Variants in ADAMTS19 observed in about 807,000 individuals in gnomAD.
ADAMTS19 encodes A disintegrin and metalloproteinase with thrombospondin motifs 19.
ADAMTS19 carries 93 observed loss-of-function variants against 153.3 expected under a neutral mutation model. That is an observed-to-expected ratio of 0.61 (90% confidence interval 0.51 to 0.72). The LOEUF is 0.72. ADAMTS19 is among the 30% of genes least tolerant of loss of function. ADAMTS19 has a pLI of 0.00. For missense variants in ADAMTS19, 1,482 were observed against 1,552.1 expected (o/e 0.95, Z 0.76); for synonymous variants, 600 against 556.6 (o/e 1.08, Z -1.10).
intron 3 of ADAMTS19, among the ~76,000 whole-genome samples, chr5:129,521,528 A>G (rs907596920): frequency 2.0e-5 from 3 of 152,146 alleles, no homozygotes; most frequent in African/African-American, 7.2e-5. Context: ...CACAGTCCCA[A>G]AGCTAGTAAG....
intron 2 of ADAMTS19, among the ~76,000 whole-genome samples, chr5:129,496,715 T>C (rs1451041002): frequency 6.6e-6 from 1 of 152,070 alleles, no homozygotes; most frequent in Admixed American, 6.6e-5. Flanking sequence ...ATGAGATAAG[T>C]GCTGCAAAGG....
In ADAMTS19 at chr5:129,694,856, G is replaced by GT. The variant is rs1755487750; in HGVS notation, c.2954+2dup. 3.2e-6 allele frequency: 5 copies of GT among 1,580,118 alleles called. No homozygotes were observed. The highest frequency in any genetic ancestry group is 4.3e-6 in the Non-Finnish European group (5 of 1,162,140). On this transcript the variant is annotated splice_donor_variant, in intron 19 of 22. Transcript: ENST00000274487. LOFTEE classifies it high-confidence loss of function. ...GCAATGAGCAACCATGTCAAACAAG[G>GT]TAACTCTATTCCAAGGGCCCTTAAA... is the stretch of plus-strand genomic sequence containing the variant.
At chr5:129,729,859 T>C (rs1051772047) in intron 21 of ADAMTS19, among the ~76,000 whole-genome samples, 1 of 152,102 alleles carries the variant, frequency 6.6e-6, no homozygotes, top group African/African-American at 2.4e-5. Context: ...TTATGTAAGA[T>C]TGACTAAAAG....
intron 3 of ADAMTS19, among the ~76,000 whole-genome samples, chr5:129,520,591 T>C (rs1443413697): frequency 6.6e-6 from 1 of 152,038 alleles, no homozygotes; most frequent in Non-Finnish European, 1.5e-5. Flanking sequence ...TTATTATTAT[T>C]TGGACAATAA....
chr5:129,640,131 G>A (rs554559701), intron 10 of ADAMTS19, among the ~76,000 whole-genome samples: 6 of 151,818 alleles, frequency 4.0e-5, no homozygotes, highest in African/African-American at 1.4e-4. Flanking sequence ...TTTTGAAGCT[G>A]GAAAAAAAGT....
At chr5:129,480,385 A>G (rs956626921) in intron 2 of ADAMTS19, among the ~76,000 whole-genome samples, 1 of 152,218 alleles carries the variant, frequency 6.6e-6, no homozygotes, top group Non-Finnish European at 1.5e-5. Flanking sequence ...CCTTAAAAGA[A>G]AAATACATTA....
chr5:129,609,257 G>A (rs1166802396), intron 8 of ADAMTS19, among the ~76,000 whole-genome samples: 2 of 152,166 alleles, frequency 1.3e-5, no homozygotes, highest in Non-Finnish European at 2.9e-5. Context: ...CTTAATGAAT[G>A]AGCTTTGGAT....
chr5:129,631,204 A>C (rs1490046413), intron 10 of ADAMTS19, among the ~76,000 whole-genome samples: 2 of 130,844 alleles, frequency 1.5e-5, no homozygotes. Flanking sequence ...TTCACCTCTT[A>C]TATGATCCAA....
intron 2 of ADAMTS19, among the ~76,000 whole-genome samples, chr5:129,479,729 T>C (rs958542371): frequency 1.3e-5 from 2 of 152,084 alleles, no homozygotes; most frequent in African/African-American, 4.8e-5. Flanking sequence ...CACTTAAACA[T>C]AAATTTAACA....
chr5:129,642,410 A>G (rs1460060919), intron 11 of ADAMTS19, among the ~76,000 whole-genome samples: 1 of 152,106 alleles, frequency 6.6e-6, no homozygotes, highest in Admixed American at 6.6e-5. Flanking sequence ...TCCAGTTGAC[A>G]TTTGGAGATT....
intron 6 of ADAMTS19, among the ~76,000 whole-genome samples, chr5:129,549,787 C>A (rs573359755): frequency 8.0e-5 from 12 of 149,386 alleles, no homozygotes; most frequent in Non-Finnish European, 1.8e-4. Context: ...AACACACACA[C>A]ACATACATAT....
At chr5:129,537,200 G>C (rs13157860) in intron 6 of ADAMTS19, among the ~76,000 whole-genome samples, 14 of 152,054 alleles carry the variant, frequency 9.2e-5, no homozygotes, top group South Asian at 4.1e-4. Flanking sequence ...GGCCATCAGA[G>C]AAATGCAAAT....
chr5:129,565,746 G>A (rs755615123), intron 7 of ADAMTS19, among the ~76,000 whole-genome samples: 34 of 152,036 alleles, frequency 2.2e-4, no homozygotes, highest in Non-Finnish European at 4.0e-4. Context: ...GAGAATAAAT[G>A]TATTGATACA....
chr5:129,599,391 AATT>A (rs1379585763), intron 8 of ADAMTS19, among the ~76,000 whole-genome samples: 1 of 152,168 alleles, frequency 6.6e-6, no homozygotes, highest in African/African-American at 2.4e-5. Flanking sequence ...ATTTATGAAT[AATT>A]ATGATTTTTG....
chr5:129,504,163 C>G (rs1559060), intron 2 of ADAMTS19, among the ~76,000 whole-genome samples: 1 of 151,816 alleles, frequency 6.6e-6, no homozygotes, highest in African/African-American at 2.4e-5. Flanking sequence ...ACATCTTCCA[C>G]CTGTTGCCTA....
chr5:129,732,736 A>T (rs980596747), intron 21 of ADAMTS19, among the ~76,000 whole-genome samples: 43 of 151,934 alleles, frequency 2.8e-4, no homozygotes, highest in African/African-American at 1.0e-3. Flanking sequence ...TGACCATACT[A>T]CCCAAAGCAA....
intron 6 of ADAMTS19, among the ~76,000 whole-genome samples, chr5:129,548,830 A>G (rs975542524): frequency 6.6e-5 from 10 of 151,982 alleles, no homozygotes; most frequent in African/African-American, 2.2e-4. Flanking sequence ...TATACACCAT[A>G]GAATACTATG....
chr5:129,592,003 A>G (rs1234551447), intron 7 of ADAMTS19, among the ~76,000 whole-genome samples: 2 of 151,890 alleles, frequency 1.3e-5, no homozygotes, highest in Non-Finnish European at 2.9e-5. Context: ...GATTCAATTG[A>G]CTTCTTGTAC....
rs1466355937 is a variant in ADAMTS19 at position 129,513,026 on chromosome 5, T to G, written c.913+3784T>G. 2.0e-5 allele frequency among the ~76,000 whole-genome samples: 3 copies of G among 151,930 alleles called. No individual in the cohort carries two copies. The Admixed American group carries it at 2.0e-4, about 10-fold the overall frequency. On this transcript the variant is annotated intron_variant, in intron 3 of 22. Coordinates refer to ENST00000274487, the MANE Select transcript of ADAMTS19 (RefSeq NM_133638.6). Reference sequence around the variant, plus strand: ...CTCCATTTCAATTTTTCTCCTGACTTCCATATATATGTAATAGTAACTTCT... The same window carrying G: ...CTCCATTTCAATTTTTCTCCTGACTGCCATATATATGTAATAGTAACTTCT...
Sources: allele counts gnomAD v4.1 joint callset (sites outside exome capture counted in the v4.1 genomes callset), GRCh38; gene constraint gnomAD v4.1.1; transcripts MANE v1.5; gene names NCBI Gene and HGNC (gene_info 2026-07-23, HGNC 2026-07-21).